DTNB: variants seen among roughly 807,000 people sequenced by gnomAD.
DTNB encodes DTN-B.
Under a neutral mutation model 90.7 loss-of-function variants are expected in DTNB, and 63 were observed. The ratio of observed to expected loss-of-function variants is 0.69; its 90% CI spans 0.57 to 0.86. The LOEUF is 0.86. Among genes scored for constraint, DTNB ranks in the 40% least tolerant of loss-of-function variants. DTNB has a pLI of 0.00. For missense variants in DTNB, 744 were observed against 807.1 expected (o/e 0.92, Z 0.95); for synonymous variants, 277 against 286.7 (o/e 0.97, Z 0.34).
intron 12 of DTNB, among the ~76,000 whole-genome samples, chr2:25,441,572 G>A (rs1357200520): frequency 1.3e-5 from 2 of 152,170 alleles, no homozygotes; most frequent in African/African-American, 2.4e-5. Context: ...ACTCAGTATC[G>A]TGTGTTAGGG....
chr2:25,408,489 A>C (rs2045802716), intron 16 of DTNB, among the ~76,000 whole-genome samples: 1 of 145,750 alleles, frequency 6.9e-6, no homozygotes, highest in African/African-American at 2.6e-5. Flanking sequence ...CAGTGAGCCA[A>C]GATCACACCA....
Position 25,383,858 on chromosome 2 carries a change from C to A in DTNB, c.1857G>T (p.Lys619Asn). 6.2e-7 allele frequency: 1 copy of A among 1,614,072 alleles called. No homozygotes were observed. Among genetic ancestry groups the A allele is most frequent in the Non-Finnish European group, 8.5e-7 (1 of 1,179,908 alleles). ...TACCTCTGTCTTTCCCATTCTGCAT[C>A]TTCTCTTCTTCTTCCTCTGCACCTT... is the stretch of plus-strand genomic sequence containing the variant. ...AEEGAEEEEEKMQNGKDRG is the reference protein window; with the variant it reads ...AEEGAEEEEENMQNGKDRG Residue 619 changes from lysine to asparagine, a missense_variant, in exon 19 of 21, where the codon AAG becomes AAT. Physicochemically the swap from Lys to Asn is moderately conservative, Grantham distance 94 (BLOSUM62 0). Coordinates refer to ENST00000406818, the MANE Select transcript of DTNB (RefSeq NM_021907.5).
chr2:25,444,805 A>C (rs2058141093), intron 12 of DTNB, among the ~76,000 whole-genome samples: 1 of 152,218 alleles, frequency 6.6e-6, no homozygotes, highest in Non-Finnish European at 1.5e-5. Context: ...AATTCTTTCG[A>C]GCACTACACC....
At chr2:25,486,177 T>C (rs2066085520) in intron 9 of DTNB, among the ~76,000 whole-genome samples, 1 of 151,910 alleles carries the variant, frequency 6.6e-6, no homozygotes, top group African/African-American at 2.4e-5. Context: ...AAGATTAGCC[T>C]GCTGGCTGGG....
intron 4 of DTNB, among the ~76,000 whole-genome samples, chr2:25,620,388 T>G (rs1483012712): frequency 2.0e-5 from 3 of 152,158 alleles, no homozygotes; most frequent in African/African-American, 7.2e-5. Flanking sequence ...AGGTACTGAA[T>G]GGACAGGAGA....
At chr2:25,408,297 G>A (rs1484611442) in intron 16 of DTNB, among the ~76,000 whole-genome samples, 5 of 149,638 alleles carry the variant, frequency 3.3e-5, no homozygotes, top group Non-Finnish European at 4.4e-5. Flanking sequence ...CAACAAGAGC[G>A]AGACTCTGTC....
intron 9 of DTNB, among the ~76,000 whole-genome samples, chr2:25,518,454 A>T (rs2075544637): frequency 6.6e-6 from 1 of 151,942 alleles, no homozygotes; most frequent in Non-Finnish European, 1.5e-5. Flanking sequence ...ACTGCACCAT[A>T]CTCATCACAT....
chr2:25,473,421 C>A (rs913239449), intron 10 of DTNB, among the ~76,000 whole-genome samples: 1 of 152,108 alleles, frequency 6.6e-6, no homozygotes, highest in Non-Finnish European at 1.5e-5. Flanking sequence ...AAGGTCAAAA[C>A]ATATTTCAGT....
At chr2:25,519,217 A>G (rs1244028369) in intron 9 of DTNB, among the ~76,000 whole-genome samples, 3 of 152,016 alleles carry the variant, frequency 2.0e-5, no homozygotes, top group Admixed American at 1.3e-4. Flanking sequence ...TATAAAAATT[A>G]GCCAGGCGTG....
rs145126606 is a variant in DTNB, at chr2:25,587,587, C to A, written c.604-6761G>T. Among the ~76,000 whole-genome samples, 344 of 152,096 alleles carry A rather than the reference C, an allele frequency of 2.3e-3. 1 individual carries two copies. The highest frequency in any genetic ancestry group is 3.2e-3 in the Non-Finnish European group (215 of 67,984). ...AGCTCATGAATCATCAGTGGGGAAG[C>A]GGGGGGAAGGGGTGCTTTCCTAGAG... On this transcript the variant is annotated intron_variant, in intron 6 of 20. Transcript: ENST00000406818.
chr2:25,555,034 T>C (rs1046848594), intron 8 of DTNB, among the ~76,000 whole-genome samples: 2 of 152,094 alleles, frequency 1.3e-5, no homozygotes, highest in Non-Finnish European at 2.9e-5. Context: ...CAGTGGCTCA[T>C]GCCTGTAATC....
At chr2:25,394,740 G>A (rs184813517) in intron 16 of DTNB, among the ~76,000 whole-genome samples, 155 of 152,196 alleles carry the variant, frequency 1.0e-3, no homozygotes, top group African/African-American at 3.6e-3. Context: ...AATAGATGTC[G>A]GTGTGAATGC....
At chr2:25,521,055 G>C (rs1000151597) in intron 9 of DTNB, among the ~76,000 whole-genome samples, 1 of 152,310 alleles carries the variant, frequency 6.6e-6, no homozygotes, top group South Asian at 2.1e-4. Context: ...GTAAGAGGCA[G>C]TCTGGTTTCT....
At position 25,596,210 on chromosome 2, in the gene DTNB, C is replaced by A; in HGVS notation, c.479G>T (p.Gly160Val). 6.2e-7 allele frequency: 1 copy of A among 1,610,954 alleles called. No homozygotes were observed. The change falls in exon 6 of 21, where the codon GGC (glycine) becomes GTC (valine). Residue 160 changes from glycine to valine, a missense_variant. By Grantham distance (109) the Gly-to-Val change is moderately radical. Coordinates refer to ENST00000406818, the MANE Select transcript of DTNB (RefSeq NM_021907.5). ...GTCAAACTTGCTAAATATCATTAAG[C>A]CATTGGAATCTGACATCTGGGAGAA... ...YVFSQMSDSN[G>V]LMIFSKFDQF...
At chr2:25,578,742 C>T (rs1248001937) in intron 7 of DTNB, among the ~76,000 whole-genome samples, 1 of 152,092 alleles carries the variant, frequency 6.6e-6, no homozygotes, top group African/African-American at 2.4e-5. Flanking sequence ...CACTTAGTTA[C>T]CTTGTTATAT....
intron 16 of DTNB, among the ~76,000 whole-genome samples, chr2:25,395,349 T>G (rs1036034427): frequency 6.6e-6 from 1 of 152,008 alleles, no homozygotes; most frequent in African/African-American, 2.4e-5. Flanking sequence ...TGTAATCAAA[T>G]ACTACCTGTT....
intron 12 of DTNB, among the ~76,000 whole-genome samples, chr2:25,436,539 T>C (rs2055835209): frequency 6.6e-6 from 1 of 152,124 alleles, no homozygotes. Flanking sequence ...CAGTAAGTCT[T>C]TTCATGTGGC....
At chr2:25,504,255 G>A (rs2071645835) in intron 9 of DTNB, among the ~76,000 whole-genome samples, 1 of 151,494 alleles carries the variant, frequency 6.6e-6, no homozygotes, top group African/African-American at 2.4e-5. Flanking sequence ...GTGACAGAGA[G>A]AAAGGAAGGA....
chr2:25,405,845 A>C (rs2045001419), intron 16 of DTNB, among the ~76,000 whole-genome samples: 1 of 152,128 alleles, frequency 6.6e-6, no homozygotes, highest in African/African-American at 2.4e-5. Flanking sequence ...GTGCTCAGGA[A>C]TCAAGCTCTG....
Sources: allele counts gnomAD v4.1 joint callset (sites outside exome capture counted in the v4.1 genomes callset), GRCh38; gene constraint gnomAD v4.1.1; transcripts MANE v1.5; gene names NCBI Gene and HGNC (gene_info 2026-07-23, HGNC 2026-07-21).